CELSR1: variants seen among roughly 807,000 people sequenced by gnomAD.
CELSR1 encodes adhesion G protein-coupled receptor C1.
Under a neutral mutation model 249.1 loss-of-function variants are expected in CELSR1, and 110 were observed. The ratio of observed to expected loss-of-function variants is 0.44; its 90% CI spans 0.38 to 0.52. The LOEUF (loss-of-function observed/expected upper bound fraction) is 0.52. Among genes scored for constraint, CELSR1 ranks in the 20% least tolerant of loss-of-function variants. CELSR1 has a pLI of 0.00. For synonymous variants in CELSR1, 2,113 were observed against 1,900.0 expected, an observed-to-expected ratio of 1.11 and a Z score of -2.92; for missense variants, 4,109 against 4,296.4, an observed-to-expected ratio of 0.96 and a Z score of 1.22.
chr22:46,394,381 G>C, intron 13 of CELSR1, 119 bp from the exon 14 acceptor site: 1 of 1,212,532 alleles, frequency 8.2e-7, no homozygotes, highest in Non-Finnish European at 1.1e-6. Context: ...GTCCAGCTCT[G>C]GGAGCTTCCC....
Position 46,395,345 on chromosome 22 carries a change from C to G in CELSR1, c.5844-1083G>C, listed in dbSNP as rs2079136590. ...CTGCCACTTTAGTGCTGGGCCCCCA[C>G]GGCCTCCACACAGCCGAATTCTGTT... On this transcript the variant is annotated intron_variant, in intron 13 of 34. Transcript: ENST00000674500. The surrounding 1 kb of genome is among the most constrained non-coding windows in gnomAD (Gnocchi z 5.5). Among the ~76,000 whole-genome samples the G allele has an allele frequency of 6.6e-6, 1 of 152,152 alleles. No homozygotes were observed. The highest frequency in any genetic ancestry group is 1.5e-5 in the Non-Finnish European group (1 of 68,006).
Position 46,527,131 on chromosome 22 carries a change from T to G in CELSR1, c.3544+6496A>C, listed in dbSNP as rs1409859463. ...ATCTCTAGGATGGAGGTGGCGACGG[T>G]ACTTTCCATACCACAGTGTGGCGGC... On this transcript the variant is annotated intron_variant, in intron 1 of 34. Transcript: ENST00000674500. The surrounding 1 kb of genome is among the most constrained non-coding windows in gnomAD (Gnocchi z 5.5). Among the ~76,000 whole-genome samples, 1 of 152,190 alleles carries G rather than the reference T, an allele frequency of 6.6e-6. No individual in the cohort carries two copies. Among genetic ancestry groups the G allele is most frequent in the East Asian group, 1.9e-4 (1 of 5,194 alleles).
chr22:46,474,472 C>T (rs1034500036), intron 1 of CELSR1, among the ~76,000 whole-genome samples: 3 of 152,116 alleles, frequency 2.0e-5, no homozygotes, highest in Admixed American at 2.0e-4. Context: ...CAACCCTGCC[C>T]CAGTGTCTGG....
rs1341754226 is a variant in CELSR1 at position 46,488,011 on chromosome 22, T to C, written c.3545-23666A>G. On this transcript the variant is annotated intron_variant, in intron 1 of 34. Transcript: ENST00000674500. The surrounding 1 kb of genome is among the most constrained non-coding windows in gnomAD (Gnocchi z 4.7). ...GTGTAGGGGAGGGGTGTCCAGCTAA[T>C]GGGGGTGTGGGGAGGGATGTCCAGG... 6.7e-5 allele frequency among the ~76,000 whole-genome samples: 1 copy of C among 14,874 alleles called. No homozygotes were observed. The highest frequency in any genetic ancestry group is 1.6e-3 in the East Asian group (1 of 626). 9.8% of individuals were successfully genotyped at this position (14,874 alleles called of 152,430 possible). A position where few individuals can be genotyped will look rare whatever the true frequency, so the allele number is the denominator to read the frequency against.
chr22:46,398,455 T>C lies in CELSR1; in HGVS notation c.5526+69A>G, dbSNP rs1163425743. On this transcript the variant is annotated intron_variant, in intron 11 of 34. Transcript: ENST00000674500. This position sits in a 1 kb window ranked among gnomAD's most constrained non-coding sequence, Gnocchi z 7.2. Reference sequence around the variant, plus strand: ...ACAGGTTGACCAACGGAACCACCTATGGTGCTGCCAGCCTCGGAGCTGCCT... The same window carrying C: ...ACAGGTTGACCAACGGAACCACCTACGGTGCTGCCAGCCTCGGAGCTGCCT... 5 of 1,124,206 alleles carry C rather than the reference T, an allele frequency of 4.4e-6. No homozygotes were observed. Among genetic ancestry groups the C allele is most frequent in the Admixed American group, 2.3e-5 (1 of 44,034 alleles). The allele number at this position is 1,124,206 out of a possible 1,614,324, so 69.6% of individuals were successfully genotyped here. A position where few individuals can be genotyped will look rare whatever the true frequency, so the allele number is the denominator to read the frequency against.
Position 46,362,246 on chromosome 22 carries a change from G to A in CELSR1, c.*977C>T, listed in dbSNP as rs1012075686. The A allele has an allele frequency of 6.6e-6, 1 of 152,290 alleles. No homozygotes were observed. Among genetic ancestry groups the A allele is most frequent in the Non-Finnish European group, 1.5e-5 (1 of 68,080 alleles). 9.4% of individuals were successfully genotyped at this position (152,290 alleles called of 1,614,324 possible). ...GCCACCTGGGAGGCGGTGAGGGGAG[G>A]GGGTGGTGGTCACAGAATGACCAGG... is the stretch of plus-strand genomic sequence containing the variant. On this transcript the variant is annotated 3_prime_UTR_variant, in exon 35 of 35. Coordinates refer to ENST00000674500, the MANE Select transcript of CELSR1 (RefSeq NM_001378328.1).
intron 1 of CELSR1, among the ~76,000 whole-genome samples, chr22:46,486,527 G>A (rs564070467): frequency 1.1e-3 from 169 of 151,308 alleles, no homozygotes; most frequent in African/African-American, 3.9e-3. Flanking sequence ...CAGCCTGGGC[G>A]ACAGACTGAG....
rs1207869209 is a variant in CELSR1 at position 46,380,990 on chromosome 22, CG to C, written c.7089-36del. 2 of 1,600,952 alleles carry C rather than the reference CG, an allele frequency of 1.2e-6. No homozygotes were observed. The highest frequency in any genetic ancestry group is 2.2e-5 in the East Asian group (1 of 44,534). ...AGAAGCCAGAGCATGGGGACAAACACGGTGAGGAAACATCTGCTTAAATCCC... is the reference window on the plus strand; with the variant it reads ...AGAAGCCAGAGCATGGGGACAAACACGTGAGGAAACATCTGCTTAAATCCC... On this transcript the variant is annotated intron_variant, in intron 21 of 34. Coordinates refer to ENST00000674500, the MANE Select transcript of CELSR1 (RefSeq NM_001378328.1). This position sits in a 1 kb window ranked among gnomAD's most constrained non-coding sequence, Gnocchi z 5.1.
chr22:46,374,723 C>T lies in CELSR1; in HGVS notation c.7585-1666G>A, dbSNP rs1438608392. ...CCCATTCACGCCACTCAAAAGCACA[C>T]TAGAGGGGTTTTGAGATGAAATCCG... On this transcript the variant is annotated intron_variant, in intron 24 of 34. Transcript: ENST00000674500. The surrounding 1 kb of genome is among the most constrained non-coding windows in gnomAD (Gnocchi z 4.3). 6.6e-6 allele frequency among the ~76,000 whole-genome samples: 1 copy of T among 152,226 alleles called. No homozygotes were observed. Among genetic ancestry groups the T allele is most frequent in the Non-Finnish European group, 1.5e-5 (1 of 68,032 alleles).
chr22:46,378,686 C>T lies in CELSR1; in HGVS notation c.7288G>A (p.Gly2430Ser). The change falls in exon 23 of 35, where the codon GGC becomes AGC. Residue 2430 changes from glycine to serine, a missense_variant. Gly to Ser is a moderately conservative substitution (Grantham distance 56, BLOSUM62 0). Coordinates refer to ENST00000674500, the MANE Select transcript of CELSR1 (RefSeq NM_001378328.1). ...VGGTGGWSAR[G>S]CELLSRNRTH... Reference sequence around the variant, plus strand: ...CGGTTCCTGGACAGGAGCTCGCAGCCCCGGGCAGACCACCCTCCCGTCCCA... The same window carrying T: ...CGGTTCCTGGACAGGAGCTCGCAGCTCCGGGCAGACCACCCTCCCGTCCCA... 5 of 1,612,392 alleles carry T rather than the reference C, an allele frequency of 3.1e-6. No individual in the cohort carries two copies. The highest frequency in any genetic ancestry group is 4.2e-6 in the Non-Finnish European group (5 of 1,179,774).
chr22:46,425,456 C>T (rs937945627), intron 5 of CELSR1, among the ~76,000 whole-genome samples: 1 of 152,154 alleles, frequency 6.6e-6, no homozygotes, highest in African/African-American at 2.4e-5. Flanking sequence ...ATTCTATTTC[C>T]TCAATAGTGT....
At chr22:46,477,031 C>T (rs1046889268) in intron 1 of CELSR1, among the ~76,000 whole-genome samples, 1 of 152,150 alleles carries the variant, frequency 6.6e-6, no homozygotes, top group Non-Finnish European at 1.5e-5. Flanking sequence ...GAAAGCGATT[C>T]TAAAGGGCAT....
chr22:46,408,179 ACAAATAAACTTTTGTTT>A lies in CELSR1; in HGVS notation c.5226+800_5226+816del. Reference sequence around the variant, plus strand: ...AAAAGCTGTTCGGAATTTTTATCCAACAAATAAACTTTTGTTTCAAATAAACGAAACAGTAAAGATCA... The same window carrying A: ...AAAAGCTGTTCGGAATTTTTATCCAACAAATAAACGAAACAGTAAAGATCA... On this transcript the variant is annotated intron_variant, in intron 9 of 34. Transcript: ENST00000674500. The surrounding 1 kb of genome is among the most constrained non-coding windows in gnomAD (Gnocchi z 4.6). Among the ~76,000 whole-genome samples the A allele has an allele frequency of 6.6e-6, 1 of 152,392 alleles. No individual in the cohort carries two copies. The highest frequency in any genetic ancestry group is 1.5e-5 in the Non-Finnish European group (1 of 68,032).
chr22:46,505,335 T>C (rs1375031738), intron 1 of CELSR1, among the ~76,000 whole-genome samples: 1 of 148,148 alleles, frequency 6.8e-6, no homozygotes, highest in Non-Finnish European at 1.5e-5. Flanking sequence ...TCAAACATCC[T>C]TAAAAAGCAA....
chr22:46,518,429 G>A lies in CELSR1; in HGVS notation c.3544+15198C>T, dbSNP rs1166018883. 3.3e-5 allele frequency among the ~76,000 whole-genome samples: 5 copies of A among 152,206 alleles called. No individual in the cohort carries two copies. The highest frequency in any genetic ancestry group is 2.0e-4 in the Admixed American group (3 of 15,290). Reference sequence around the variant, plus strand: ...GACAAGGCAAACCGATGGTGTGCTCGGGCATTCGGGTGGACAGACTGCAGA... The same window carrying A: ...GACAAGGCAAACCGATGGTGTGCTCAGGCATTCGGGTGGACAGACTGCAGA... On this transcript the variant is annotated intron_variant, in intron 1 of 34. Coordinates refer to ENST00000674500, the MANE Select transcript of CELSR1 (RefSeq NM_001378328.1). This position sits in a 1 kb window ranked among gnomAD's most constrained non-coding sequence, Gnocchi z 5.2.
chr22:46,380,386 G>A lies in CELSR1; in HGVS notation c.7256+402C>T, dbSNP rs2078964471. Among the ~76,000 whole-genome samples, 2 of 152,200 alleles carry A rather than the reference G, an allele frequency of 1.3e-5. No individual in the cohort carries two copies. Among genetic ancestry groups the A allele is most frequent in the South Asian group, 4.1e-4 (2 of 4,832 alleles). Reference sequence around the variant, plus strand: ...AAGACCGTCAGCAGATGGGCTCTTAGGCCAGTCTCTGGGTTCTGTCTCCCG... The same window carrying A: ...AAGACCGTCAGCAGATGGGCTCTTAAGCCAGTCTCTGGGTTCTGTCTCCCG... On this transcript the variant is annotated intron_variant, in intron 22 of 34. Coordinates refer to ENST00000674500, the MANE Select transcript of CELSR1 (RefSeq NM_001378328.1). The surrounding 1 kb of genome is among the most constrained non-coding windows in gnomAD (Gnocchi z 5.1).
chr22:46,527,171 C>T lies in CELSR1; in HGVS notation c.3544+6456G>A, dbSNP rs960079461. ...AGTGTGGCGGCTGGAAAACTGCAAG[C>T]GATGGGGCCTGCAGAGCCTGGGAGG... On this transcript the variant is annotated intron_variant, in intron 1 of 34. Coordinates refer to ENST00000674500, the MANE Select transcript of CELSR1 (RefSeq NM_001378328.1). The surrounding 1 kb of genome is among the most constrained non-coding windows in gnomAD (Gnocchi z 5.5). 4.6e-5 allele frequency among the ~76,000 whole-genome samples: 7 copies of T among 152,156 alleles called. No individual in the cohort carries two copies. The highest frequency in any genetic ancestry group is 1.0e-4 in the Non-Finnish European group (7 of 68,032).
rs2080858468 is a variant in CELSR1 at position 46,536,533 on chromosome 22, G to A, written c.638C>T (p.Ser213Phe). 1.4e-6 allele frequency: 2 copies of A among 1,416,148 alleles called. No homozygotes were observed. Among genetic ancestry groups the A allele is most frequent in the Non-Finnish European group, 1.8e-6 (2 of 1,092,462 alleles). 87.7% of individuals were successfully genotyped at this position (1,416,148 alleles called of 1,614,324 possible). The change falls in exon 1 of 35, where the codon TCC (serine) becomes TTC (phenylalanine). Residue 213 changes from serine (S) to phenylalanine (F), a missense_variant. This residue lies in a region of CELSR1 where 673 missense variants were observed against 636.8 expected (regional missense o/e 1.06). Coordinates refer to ENST00000674500, the MANE Select transcript of CELSR1 (RefSeq NM_001378328.1). The stretch of plus-strand genomic sequence containing the variant: ...GTTCGGCGGCAGGGGCGGCGATGGG[G>A]ATGGCGACGCGGAGGGCGTCCCCGC... ...ATAGTPSASP[S>F]PSPPLPPNLP...
intron 24 of CELSR1, among the ~76,000 whole-genome samples, chr22:46,373,841 C>T (rs1167102990): frequency 1.3e-5 from 2 of 152,180 alleles, no homozygotes; most frequent in Admixed American, 6.5e-5. Context: ...TCCACCCTAC[C>T]AGGGGGTCCC....
Sources: allele counts gnomAD v4.1 joint callset (sites outside exome capture counted in the v4.1 genomes callset), GRCh38; gene constraint gnomAD v4.1.1; regional missense constraint gnomAD v4.1.1; non-coding constraint Gnocchi (gnomAD v3.1); transcripts MANE v1.5; gene names NCBI Gene and HGNC (gene_info 2026-07-23, HGNC 2026-07-21).